Variants in MYO18B observed in about 807,000 individuals in gnomAD.
The protein encoded by MYO18B is unconventional myosin-XVIIIb.
Under a neutral mutation model 273.0 loss-of-function variants are expected in MYO18B, and 204 were observed. The ratio of observed to expected loss-of-function variants is 0.75; its 90% CI spans 0.67 to 0.84. The LOEUF is 0.84. MYO18B is among the 40% of genes least tolerant of loss of function. The pLI is 0.00. For synonymous variants in MYO18B, 1,330 were observed against 1,305.7 expected, an observed-to-expected ratio of 1.02 and a Z score of -0.40; for missense variants, 3,212 against 3,287.6, an observed-to-expected ratio of 0.98 and a Z score of 0.56.
intron 39 of MYO18B, among the ~76,000 whole-genome samples, chr22:25,970,578 A>G (rs764889667): frequency 6.6e-6 from 1 of 151,956 alleles, no homozygotes. Context: ...GAATCAACAC[A>G]TTCATTTCCC....
chr22:25,833,020 C>A, intron 16 of MYO18B, 23 bp downstream of exon 16: 3 of 1,604,568 alleles, frequency 1.9e-6, no homozygotes, highest in Non-Finnish European at 2.6e-6. Context: ...CCAGCCAATC[C>A]AGGCTCTCAG....
chr22:25,992,585 C>T (rs1414857600), intron 40 of MYO18B, 92 bp downstream of exon 40: 1 of 1,533,682 alleles, frequency 6.5e-7, no homozygotes, highest in Admixed American at 1.8e-5. Context: ...GGGCCACATT[C>T]ACTGGGAAAC....
intron 12 of MYO18B, among the ~76,000 whole-genome samples, chr22:25,822,198 C>T (rs1307646122): frequency 1.3e-5 from 2 of 152,236 alleles, no homozygotes; most frequent in Non-Finnish European, 2.9e-5. Context: ...CTCATTTCTA[C>T]CCCAGGGCCT....
At chr22:25,837,737 C>A (rs1050656926) in intron 17 of MYO18B, among the ~76,000 whole-genome samples, 1 of 152,210 alleles carries the variant, frequency 6.6e-6, no homozygotes, top group Non-Finnish European at 1.5e-5. Context: ...CTCTCTGGAG[C>A]AAGCTCACAG....
intron 37 of MYO18B, 80 bp downstream of exon 37, chr22:25,950,530 G>GTGTGTGTGTGTGTC: frequency 3.0e-6 from 2 of 660,250 alleles, no homozygotes; most frequent in Non-Finnish European, 5.1e-6. Context: ...GTGTGTGTGT[G>GTGTGTGTGTGTGTC]TGTGTGTGTG....
chr22:25,972,976 A>G (rs888133535), intron 39 of MYO18B, among the ~76,000 whole-genome samples: 15 of 151,044 alleles, frequency 9.9e-5, no homozygotes, highest in Middle Eastern at 3.2e-3. Context: ...AAAAAAAAAA[A>G]AGAGATAGGA....
Position 25,861,891 on chromosome 22 carries a change from C to A in MYO18B, c.3886-6429C>A, listed in dbSNP as rs2090748243. 2.0e-5 allele frequency among the ~76,000 whole-genome samples: 3 copies of A among 152,296 alleles called. No individual in the cohort carries two copies. The South Asian group carries it at 6.2e-4, about 32-fold the overall frequency. Reference sequence around the variant, plus strand: ...ACCTTTGCTCCAATATAGCTCACGTCTTCCTCCTACCTTAGTGATACTACT... The same window carrying A: ...ACCTTTGCTCCAATATAGCTCACGTATTCCTCCTACCTTAGTGATACTACT... On this transcript the variant is annotated intron_variant, in intron 21 of 43. Transcript: ENST00000335473.
intron 32 of MYO18B, 135 bp from the exon 33 acceptor site, chr22:25,910,811 C>T (rs181698120): frequency 3.0e-6 from 2 of 677,270 alleles, no homozygotes; most frequent in African/African-American, 3.6e-5. Flanking sequence ...ACACTACCAC[C>T]CAATCACTAG....
At chr22:25,866,148 T>C (rs1163600555) in intron 21 of MYO18B, among the ~76,000 whole-genome samples, 2 of 152,180 alleles carry the variant, frequency 1.3e-5, no homozygotes, top group Non-Finnish European at 2.9e-5. Flanking sequence ...TTTACTAAAT[T>C]ACTCCAGCCT....
chr22:26,020,146 TGC>T (rs1935693283), intron 42 of MYO18B, among the ~76,000 whole-genome samples: 1 of 152,178 alleles, frequency 6.6e-6, no homozygotes, highest in Non-Finnish European at 1.5e-5. Flanking sequence ...TTTCCTCATT[TGC>T]AAGATGGGAT....
In MYO18B at chr22:25,874,305, T is replaced by C. The variant is rs748790500; in HGVS notation, c.3971T>C (p.Val1324Ala). 1.2e-6 allele frequency: 2 copies of C among 1,613,828 alleles called. No homozygotes were observed. Among genetic ancestry groups the C allele is most frequent in the Non-Finnish European group, 1.7e-6 (2 of 1,179,860 alleles). ...CCCCAGGTTTTTCTCAAGGCAGGTG[T>C]GATCTCCAGGCTTGAGAAGCAGCGA... ...GHSQVFLKAG[V>A]ISRLEKQREK... The change falls in exon 23 of 44, where the codon GTG becomes GCG. Residue 1324 changes from valine to alanine, a missense_variant. Val to Ala is a moderately conservative substitution (Grantham distance 64, BLOSUM62 0). Transcript: ENST00000335473.
At chr22:25,783,498 T>G (rs2087249065) in intron 10 of MYO18B, among the ~76,000 whole-genome samples, 1 of 129,706 alleles carries the variant, frequency 7.7e-6, no homozygotes, top group South Asian at 2.3e-4. Flanking sequence ...AGAACATCTC[T>G]CAGACACACA....
chr22:25,959,502 C>T (rs566217030), intron 39 of MYO18B, among the ~76,000 whole-genome samples: 3 of 152,100 alleles, frequency 2.0e-5, no homozygotes, highest in Non-Finnish European at 4.4e-5. Context: ...TCTTGGACTG[C>T]TGGCCTCAAG....
chr22:25,948,527 T>TCTTTCTTCCTTCCTTCCTTCCTTCCTTC (rs1555961003), intron 36 of MYO18B, among the ~76,000 whole-genome samples: 9 of 110,488 alleles, frequency 8.1e-5, no homozygotes, highest in African/African-American at 2.0e-4. Flanking sequence ...CTTCTTTCTT[T>TCTTTCTTCCTTCCTTCCTTCCTTCCTTC]CTTCCTTCCT....
chr22:25,932,849 G>C (rs765551377), intron 34 of MYO18B, among the ~76,000 whole-genome samples: 2 of 151,382 alleles, frequency 1.3e-5, no homozygotes, highest in Non-Finnish European at 1.5e-5. Context: ...GTTTTTAAAT[G>C]GTTACATTTA....
the MYO18B span, among the ~76,000 whole-genome samples, chr22:26,051,285 G>A: frequency 1.4e-5 from 2 of 142,830 alleles, no homozygotes; most frequent in Admixed American, 7.3e-5. Flanking sequence ...GTGCAGTGGC[G>A]CCATCTCTGC....
chr22:25,947,876 G>A, intron 36 of MYO18B, 48 bp downstream of exon 36: 1 of 1,420,278 alleles, frequency 7.0e-7, no homozygotes, highest in Non-Finnish European at 9.9e-7. Context: ...TTGGGGTGGG[G>A]TGAATGGGGA....
chr22:25,852,624 G>A (rs1483242133), intron 21 of MYO18B, among the ~76,000 whole-genome samples: 1 of 152,186 alleles, frequency 6.6e-6, no homozygotes, highest in Non-Finnish European at 1.5e-5. Flanking sequence ...CCCTGCAAAA[G>A]AAGAGCTATT....
the MYO18B span, among the ~76,000 whole-genome samples, chr22:26,056,469 G>A: frequency 6.6e-6 from 1 of 152,126 alleles, no homozygotes; most frequent in Non-Finnish European, 1.5e-5. Context: ...CTTCCACAAA[G>A]GAGACCTGTT....
Sources: gnomAD v4.1 joint callset for allele counts (sites outside exome capture counted in the v4.1 genomes callset) on GRCh38, gnomAD v4.1.1 for gene constraint, MANE v1.5 for transcripts, NCBI Gene and HGNC (gene_info 2026-07-23, HGNC 2026-07-21) for gene names.